The following SPATA31F3 variants were observed in gnomAD, a reference collection of about 807,000 sequenced individuals.
SPATA31F3 encodes SPATA31 subfamily F member 3, also known as protein SPATA31F3.
At chr9:34,891,527 G>A in the SPATA31F3 span, among the ~76,000 whole-genome samples, 1 of 152,136 alleles carries the variant, frequency 6.6e-6, no homozygotes, top group Non-Finnish European at 1.5e-5. Flanking sequence ...CATAGGTCAG[G>A]GCTGTACTGC....
At chr9:34,889,151 G>A in the SPATA31F3 span, 1 of 398,464 alleles carries the variant, frequency 2.5e-6, no homozygotes, top group Non-Finnish European at 4.4e-6. Flanking sequence ...CTTTTTCAGG[G>A]GATTGCAGAG....
the SPATA31F3 span, among the ~76,000 whole-genome samples, chr9:34,891,685 A>AGGAGAAT: frequency 4.0e-4 from 61 of 152,234 alleles, no homozygotes; most frequent in Non-Finnish European, 2.4e-4. Context: ...GGCATGGTCT[A>AGGAGAAT]GGAGAATGCT....
At chr9:34,893,091 G>C in the SPATA31F3 span, 10 of 924,518 alleles carry the variant, frequency 1.1e-5, no homozygotes, top group East Asian at 2.7e-4. Context: ...TTGCAGATTT[G>C]GCAGCAGGGG....
the SPATA31F3 span, chr9:34,889,217 T>G: frequency 2.5e-6 from 1 of 398,626 alleles, no homozygotes; most frequent in Non-Finnish European, 4.4e-6. Context: ...CATAAAACAG[T>G]GCCTTCTGCT....
chr9:34,893,490 A>G, the SPATA31F3 span, among the ~76,000 whole-genome samples: 1 of 152,084 alleles, frequency 6.6e-6, no homozygotes, highest in African/African-American at 2.4e-5. Flanking sequence ...AGTCCCAGCT[A>G]CTTGGGAGGC....
the SPATA31F3 span, chr9:34,894,417 A>T: frequency 2.5e-6 from 1 of 398,468 alleles, no homozygotes; most frequent in Non-Finnish European, 4.4e-6. Flanking sequence ...AGCAGCTGGG[A>T]GACTGCAAAG....
chr9:34,893,210 A>G, the SPATA31F3 span: 9 of 472,586 alleles, frequency 1.9e-5, no homozygotes, highest in African/African-American at 1.4e-4. Flanking sequence ...TTCTCGGAAA[A>G]GTGTGGGCCG....
chr9:34,891,991 A>C, the SPATA31F3 span, among the ~76,000 whole-genome samples: 1 of 152,156 alleles, frequency 6.6e-6, no homozygotes, highest in Non-Finnish European at 1.5e-5. Context: ...ATTAGTACAG[A>C]GGTGAAGGAG....
chr9:34,891,687 G>A, the SPATA31F3 span, among the ~76,000 whole-genome samples: 1 of 152,194 alleles, frequency 6.6e-6, no homozygotes, highest in African/African-American at 2.4e-5. Flanking sequence ...CATGGTCTAG[G>A]AGAATGCTTC....
chr9:34,892,852 T>C, the SPATA31F3 span: 1 of 698,004 alleles, frequency 1.4e-6, no homozygotes, highest in Non-Finnish European at 2.6e-6. Flanking sequence ...ACCGGGCAGC[T>C]GACTGGGTTA....
chr9:34,892,219 G>T, the SPATA31F3 span, among the ~76,000 whole-genome samples: 2 of 152,286 alleles, frequency 1.3e-5, no homozygotes, highest in Admixed American at 6.5e-5. Flanking sequence ...GAACCATGGG[G>T]TTTGGGATTT....
At chr9:34,893,092 G>A in the SPATA31F3 span, 1 of 926,282 alleles carries the variant, frequency 1.1e-6, no homozygotes, top group Non-Finnish European at 1.6e-6. Context: ...TGCAGATTTG[G>A]CAGCAGGGGT....
the SPATA31F3 span, chr9:34,889,743 G>C: frequency 2.5e-6 from 1 of 397,340 alleles, no homozygotes; most frequent in Non-Finnish European, 4.4e-6. Flanking sequence ...ATTTTGCCCT[G>C]TAAAACATGG....
chr9:34,890,524 T>C, the SPATA31F3 span, among the ~76,000 whole-genome samples: 2 of 152,336 alleles, frequency 1.3e-5, no homozygotes, highest in African/African-American at 2.4e-5. Context: ...ACTAGATCAC[T>C]TGTAGCTCTG....
At chr9:34,893,818 G>C in the SPATA31F3 span, among the ~76,000 whole-genome samples, 1 of 152,164 alleles carries the variant, frequency 6.6e-6, no homozygotes, top group African/African-American at 2.4e-5. Flanking sequence ...GGCATCACCA[G>C]TTAGAACCCG....
the SPATA31F3 span, among the ~76,000 whole-genome samples, chr9:34,890,165 A>G: frequency 6.6e-6 from 1 of 152,194 alleles, no homozygotes. Context: ...ATATTTGGCA[A>G]GTTGTGAGCT....
chr9:34,893,081 T>C, the SPATA31F3 span: 6 of 947,438 alleles, frequency 6.3e-6, no homozygotes, highest in Admixed American at 1.3e-4. Flanking sequence ...AGCCATAACA[T>C]TGCAGATTTG....
the SPATA31F3 span, among the ~76,000 whole-genome samples, chr9:34,890,329 G>A: frequency 5.3e-5 from 8 of 152,190 alleles, no homozygotes; most frequent in African/African-American, 1.7e-4. Context: ...TGGGTCAACT[G>A]TTTTCTCTGC....
At chr9:34,892,500 T>G in the SPATA31F3 span, among the ~76,000 whole-genome samples, 1 of 152,204 alleles carries the variant, frequency 6.6e-6, no homozygotes, top group African/African-American at 2.4e-5. Context: ...TGTGGGAATA[T>G]GTGCAACAAT....
Sources: allele counts gnomAD v4.1 joint callset (sites outside exome capture counted in the v4.1 genomes callset), GRCh38; gene constraint gnomAD v4.1.1; transcripts MANE v1.5; gene names NCBI Gene and HGNC (gene_info 2026-07-23, HGNC 2026-07-21).